LRRFIP2: variants seen among roughly 807,000 people sequenced by gnomAD.
LRRFIP2 encodes LRR binding FLII interacting protein 2.
LRRFIP2 carries 109 observed loss-of-function variants against 125.9 expected under a neutral mutation model. The ratio of observed to expected loss-of-function variants is 0.87; its 90% CI spans 0.74 to 1.01. The LOEUF is 1.01. Ranked by LOEUF, LRRFIP2 falls within the 50% of genes least tolerant of loss-of-function variation. The pLI, the probability that LRRFIP2 is intolerant of heterozygous loss-of-function variation, is 0.00. For synonymous variants in LRRFIP2, 291 were observed against 293.1 expected (o/e 0.99, Z 0.07); for missense variants, 850 against 862.3 (o/e 0.99, Z 0.18).
At chr3:37,165,423 C>G (rs1002690473) in intron 1 of LRRFIP2, among the ~76,000 whole-genome samples, 2 of 128,510 alleles carry the variant, frequency 1.6e-5, no homozygotes, top group African/African-American at 5.8e-5. Flanking sequence ...AATCCTGGTG[C>G]CAAAAAGGTT....
intron 1 of LRRFIP2, among the ~76,000 whole-genome samples, chr3:37,152,924 A>T (rs1451117861): frequency 6.6e-6 from 1 of 152,230 alleles, no homozygotes; most frequent in African/African-American, 2.4e-5. Context: ...ATTTCACAGA[A>T]GCAGGAAACA....
chr3:37,120,577 A>G (rs940297311), intron 6 of LRRFIP2, among the ~76,000 whole-genome samples: 1 of 152,190 alleles, frequency 6.6e-6, no homozygotes, highest in African/African-American at 2.4e-5. Context: ...GAATATAAAC[A>G]TGTCAATAAC....
chr3:37,066,744 C>G (rs1229529051), intron 21 of LRRFIP2: 1 of 163,652 alleles, frequency 6.1e-6, no homozygotes, highest in Non-Finnish European at 1.3e-5. Flanking sequence ...CTAGTTTATT[C>G]AAGAATACAG....
chr3:37,081,461 A>G (rs1206550339), intron 19 of LRRFIP2, among the ~76,000 whole-genome samples: 1 of 152,162 alleles, frequency 6.6e-6, no homozygotes, highest in Non-Finnish European at 1.5e-5. Context: ...TTTATAAAGC[A>G]ATAGTTGTTT....
At chr3:37,099,429 G>A (rs2093903862) in intron 15 of LRRFIP2, among the ~76,000 whole-genome samples, 1 of 152,168 alleles carries the variant, frequency 6.6e-6, no homozygotes. Flanking sequence ...ATATTAAGCT[G>A]TAAAACTGTA....
At position 37,135,074 on chromosome 3, in the gene LRRFIP2, C is replaced by A. The variant is rs2095523713; in HGVS notation, c.91-5925G>T. On this transcript the variant is annotated intron_variant, in intron 2 of 27. Coordinates refer to ENST00000336686, the MANE Select transcript of LRRFIP2 (RefSeq NM_006309.4). ...CAGACGTAAAAGTACAACAGAATATCTCGGGAATGGACTCAGAAGAATGCC... is the reference window on the plus strand; with the variant it reads ...CAGACGTAAAAGTACAACAGAATATATCGGGAATGGACTCAGAAGAATGCC... 4.3e-6 allele frequency: 6 copies of A among 1,381,342 alleles called. No individual in the cohort carries two copies. The Admixed American group carries it at 8.4e-5, about 19-fold the overall frequency. The allele number at this position is 1,381,342 out of a possible 1,614,324, so 85.6% of individuals were successfully genotyped here. A position where few individuals can be genotyped will look rare whatever the true frequency, so the allele number is the denominator to read the frequency against.
chr3:37,149,740 C>T (rs1221870840), intron 1 of LRRFIP2, among the ~76,000 whole-genome samples: 13 of 152,186 alleles, frequency 8.5e-5, no homozygotes, highest in Non-Finnish European at 4.4e-5. Flanking sequence ...GTGGCTCTCA[C>T]CTGTAATCCC....
At chr3:37,063,379 G>C (rs1237643388) in intron 24 of LRRFIP2, among the ~76,000 whole-genome samples, 1 of 152,156 alleles carries the variant, frequency 6.6e-6, no homozygotes, top group Non-Finnish European at 1.5e-5. Context: ...GCCTGAAGCA[G>C]AACAATCAAG....
chr3:37,148,791 T>A (rs1215039558), intron 2 of LRRFIP2, 103 bp downstream of exon 2: 2 of 1,248,598 alleles, frequency 1.6e-6, no homozygotes, highest in Admixed American at 2.1e-5. Flanking sequence ...ATAATAAACA[T>A]CTGAAACTAG....
intron 1 of LRRFIP2, among the ~76,000 whole-genome samples, chr3:37,154,132 T>C (rs960715258): frequency 2.0e-5 from 3 of 151,864 alleles, no homozygotes; most frequent in African/African-American, 7.3e-5. Flanking sequence ...GCCGTGATAA[T>C]ACCACTGCAC....
intron 18 of LRRFIP2, among the ~76,000 whole-genome samples, 180 bp from the exon 19 acceptor site, chr3:37,083,986 A>G (rs2092845198): frequency 6.6e-6 from 1 of 152,242 alleles, no homozygotes; most frequent in African/African-American, 2.4e-5. Context: ...TAATAAGCCG[A>G]TAATGCCTTT....
At chr3:37,057,585 C>T (rs1272086275) in intron 25 of LRRFIP2, among the ~76,000 whole-genome samples, 1 of 149,040 alleles carries the variant, frequency 6.7e-6, no homozygotes, top group East Asian at 2.0e-4. Context: ...CCAGGCTGGT[C>T]TCAAACTTCT....
chr3:37,142,978 C>A (rs1005725834), intron 2 of LRRFIP2, among the ~76,000 whole-genome samples: 2 of 152,134 alleles, frequency 1.3e-5, no homozygotes, highest in African/African-American at 4.8e-5. Flanking sequence ...GGATCCCTCA[C>A]GACGTGGTGC....
At chr3:37,131,008 A>G (rs2095413688) in intron 2 of LRRFIP2, among the ~76,000 whole-genome samples, 2 of 152,238 alleles carry the variant, frequency 1.3e-5, no homozygotes, top group South Asian at 2.1e-4. Context: ...GCCACAGTGC[A>G]TGATAGTTAA....
intron 19 of LRRFIP2, among the ~76,000 whole-genome samples, chr3:37,081,758 C>A (rs187092500): frequency 2.3e-3 from 344 of 151,794 alleles, no homozygotes; most frequent in Non-Finnish European, 3.9e-3. Context: ...CGTGGTGGTA[C>A]GTGCCTGTAG....
intron 21 of LRRFIP2, among the ~76,000 whole-genome samples, chr3:37,072,239 G>A (rs1046712889): frequency 1.3e-5 from 2 of 152,058 alleles, no homozygotes; most frequent in Admixed American, 6.6e-5. Context: ...GGTGGCTCAC[G>A]CCTATAATCC....
At chr3:37,119,300 A>T (rs2094925244) in intron 6 of LRRFIP2, among the ~76,000 whole-genome samples, 1 of 152,196 alleles carries the variant, frequency 6.6e-6, no homozygotes, top group Admixed American at 6.5e-5. Flanking sequence ...TTGTTTAATG[A>T]TACAAATGCC....
At chr3:37,164,882 C>A (rs951980365) in intron 1 of LRRFIP2, among the ~76,000 whole-genome samples, 2 of 152,074 alleles carry the variant, frequency 1.3e-5, no homozygotes, top group Non-Finnish European at 2.9e-5. Context: ...TACTTCTAAC[C>A]AACAGAATAT....
intron 18 of LRRFIP2, among the ~76,000 whole-genome samples, chr3:37,085,321 C>T (rs1432071736): frequency 2.6e-5 from 4 of 151,850 alleles, no homozygotes; most frequent in Non-Finnish European, 5.9e-5. Flanking sequence ...ACCAGCTTGA[C>T]CAACATGGTA....
Sources: gnomAD v4.1 joint callset for allele counts (sites outside exome capture counted in the v4.1 genomes callset) on GRCh38, gnomAD v4.1.1 for gene constraint, MANE v1.5 for transcripts, NCBI Gene and HGNC (gene_info 2026-07-23, HGNC 2026-07-21) for gene names.